TDRD12: variants seen among roughly 807,000 people sequenced by gnomAD.
The protein encoded by TDRD12 is putative ATP-dependent RNA helicase TDRD12.
A neutral mutation model predicts 133.5 loss-of-function variants in TDRD12; 158 were observed. The observed-to-expected ratio is 1.18, with a 90% CI of 1.04 to 1.35. TDRD12 has a LOEUF of 1.35. TDRD12 is among the 40% of genes most tolerant of loss of function. TDRD12 has a pLI of 0.00. For synonymous variants in TDRD12, 460 were observed against 477.9 expected (o/e 0.96, Z 0.49); for missense variants, 1,443 against 1,321.3 (o/e 1.09, Z -1.43).
At chr19:32,814,275 TC>T (rs1407467425) in intron 25 of TDRD12, among the ~76,000 whole-genome samples, 1 of 152,152 alleles carries the variant, frequency 6.6e-6, no homozygotes, top group African/African-American at 2.4e-5. Flanking sequence ...CTCACGGGCC[TC>T]CGTGTCTCTC....
intron 12 of TDRD12, 120 bp downstream of exon 12, chr19:32,790,711 T>G (rs1465755237): frequency 6.5e-7 from 1 of 1,549,936 alleles, no homozygotes; most frequent in Non-Finnish European, 8.7e-7. Context: ...GATGGGGGAC[T>G]TAACCTGAAG....
chr19:32,784,560 A>G (rs1391692356), intron 11 of TDRD12, among the ~76,000 whole-genome samples: 1 of 152,172 alleles, frequency 6.6e-6, no homozygotes, highest in Non-Finnish European at 1.5e-5. Context: ...TTCAGAAGGA[A>G]TGGTACCAGC....
chr19:32,796,649 C>G (rs1341535150), intron 14 of TDRD12, among the ~76,000 whole-genome samples: 1 of 152,052 alleles, frequency 6.6e-6, no homozygotes, highest in Non-Finnish European at 1.5e-5. Flanking sequence ...GGATATGTTT[C>G]TATCTCCCAA....
chr19:32,812,586 T>C (rs1178381621), intron 24 of TDRD12, among the ~76,000 whole-genome samples: 1 of 152,210 alleles, frequency 6.6e-6, no homozygotes, highest in Non-Finnish European at 1.5e-5. Context: ...GACTGTCTGC[T>C]GTGTACCAGG....
At chr19:32,744,499 C>CAAAAAAAAAAAAAAAAAAA (rs10644749) in intron 4 of TDRD12, among the ~76,000 whole-genome samples, 4 of 38,088 alleles carry the variant, frequency 1.1e-4, no homozygotes, top group Admixed American at 4.7e-4. Context: ...GACTCCGTCT[C>CAAAAAAAAAAAAAAAAAAA]AAAAAAAAAA....
At chr19:32,801,844 AGTT>A in exon 19 of TDRD12, 6 of 1,444,404 alleles carry the variant, frequency 4.2e-6, no homozygotes, top group Non-Finnish European at 5.6e-6. Context: ...TGGAAGAAGA[AGTT>A]AAGTTCTGGC....
Position 32,719,849 on chromosome 19 carries a change from C to A in TDRD12, c.-224C>A. On this transcript the variant is annotated 5_prime_UTR_variant, in exon 1 of 28. In the 5' UTR this introduces an upstream ATG that the reference lacks. Coordinates refer to ENST00000444215, the Ensembl canonical transcript of TDRD12. Reference sequence around the variant, plus strand: ...GGATCCCGCAGCGAGGGGCTGGTTACTGCCAGGACGGAGCGCATTGCCTCG... The same window carrying A: ...GGATCCCGCAGCGAGGGGCTGGTTAATGCCAGGACGGAGCGCATTGCCTCG... The A allele has an allele frequency of 1.7e-6, 1 of 595,858 alleles. No homozygotes were observed. Among genetic ancestry groups the A allele is most frequent in the Non-Finnish European group, 3.0e-6 (1 of 333,574 alleles). 36.9% of individuals were successfully genotyped at this position (595,858 alleles called of 1,614,324 possible).
intron 8 of TDRD12, among the ~76,000 whole-genome samples, chr19:32,772,412 G>T (rs1413069463): frequency 1.3e-5 from 2 of 152,190 alleles, no homozygotes; most frequent in East Asian, 3.8e-4. Flanking sequence ...CTCTTGGCAG[G>T]AGGCAGAGTC....
At chr19:32,735,748 T>A (rs1969204136) in intron 2 of TDRD12, among the ~76,000 whole-genome samples, 1 of 152,170 alleles carries the variant, frequency 6.6e-6, no homozygotes, top group Non-Finnish European at 1.5e-5. Context: ...GGTGGGTGGA[T>A]CACCTAAGGT....
At chr19:32,800,727 C>T (rs758913515) in exon 18 of TDRD12, 3 of 1,535,776 alleles carry the variant, frequency 2.0e-6, no homozygotes, top group South Asian at 2.4e-5. Context: ...CACAAAAGAC[C>T]TTGATCTTCA....
At chr19:32,755,322 A>G (rs1969960319) in intron 6 of TDRD12, among the ~76,000 whole-genome samples, 1 of 152,188 alleles carries the variant, frequency 6.6e-6, no homozygotes, top group African/African-American at 2.4e-5. Flanking sequence ...ATTGTTTTCC[A>G]AAGTGGTGGA....
At position 32,800,356 on chromosome 19, in the gene TDRD12, C is replaced by T; in HGVS notation, c.1948C>T (p.Gln650Ter). The change falls in exon 17 of 28, where the codon CAG becomes TAG. Residue 650 changes from glutamine to a stop codon, truncating the protein, a stop_gained and splice_region_variant. Coordinates refer to ENST00000444215, the Ensembl canonical transcript of TDRD12. LOFTEE classifies it high-confidence loss of function. ...GGCTGCTCTCTATGGCAATGTCCAACAGGTAACTTTGTGTGTATGTGTATG... is the reference window on the plus strand; with the variant it reads ...GGCTGCTCTCTATGGCAATGTCCAATAGGTAACTTTGTGTGTATGTGTATG... The T allele has an allele frequency of 1.3e-6, 2 of 1,509,408 alleles. No homozygotes were observed. Among genetic ancestry groups the T allele is most frequent in the Non-Finnish European group, 1.8e-6 (2 of 1,135,892 alleles). 93.5% of individuals were successfully genotyped at this position (1,509,408 alleles called of 1,614,324 possible). A position where few individuals can be genotyped will look rare whatever the true frequency, so the allele number is the denominator to read the frequency against.
intron 27 of TDRD12, among the ~76,000 whole-genome samples, chr19:32,819,998 T>C (rs1387540753): frequency 6.6e-6 from 1 of 152,034 alleles, no homozygotes; most frequent in Non-Finnish European, 1.5e-5. Context: ...GGAAGGCTCT[T>C]GGTTTGCTGC....
At chr19:32,801,493 A>G (rs138250702) in intron 18 of TDRD12, among the ~76,000 whole-genome samples, 1 of 152,290 alleles carries the variant, frequency 6.6e-6, no homozygotes, top group African/African-American at 2.4e-5. Context: ...ACACACAAGT[A>G]TGGCTGTGTT....
At chr19:32,766,688 C>T (rs890546516) in intron 8 of TDRD12, among the ~76,000 whole-genome samples, 4 of 151,866 alleles carry the variant, frequency 2.6e-5, no homozygotes, top group African/African-American at 7.3e-5. Context: ...AATCTTGGCT[C>T]ACTACACCCT....
intron 6 of TDRD12, among the ~76,000 whole-genome samples, chr19:32,751,821 C>T (rs961866891): frequency 6.6e-6 from 1 of 151,776 alleles, no homozygotes; most frequent in Non-Finnish European, 1.5e-5. Context: ...GTGCTGGTAT[C>T]ACAGGTGTGA....
chr19:32,763,374 G>A (rs1970205049), intron 8 of TDRD12, among the ~76,000 whole-genome samples: 1 of 152,142 alleles, frequency 6.6e-6, no homozygotes, highest in Non-Finnish European at 1.5e-5. Flanking sequence ...ACGCTTCTCA[G>A]GTGCCCCTCA....
At chr19:32,721,279 A>G (rs1968653064) in intron 1 of TDRD12, among the ~76,000 whole-genome samples, 1 of 152,168 alleles carries the variant, frequency 6.6e-6, no homozygotes, top group South Asian at 2.1e-4. Flanking sequence ...AGGGGTGGGT[A>G]TGGGTTATTG....
intron 11 of TDRD12, among the ~76,000 whole-genome samples, chr19:32,782,394 CTT>C (rs1970796105): frequency 6.6e-6 from 1 of 152,156 alleles, no homozygotes; most frequent in Non-Finnish European, 1.5e-5. Flanking sequence ...GGTTCCAAGT[CTT>C]TACTATTGTG....
Sources: allele counts gnomAD v4.1 joint callset (sites outside exome capture counted in the v4.1 genomes callset), GRCh38; gene constraint gnomAD v4.1.1; transcripts MANE v1.5; gene names NCBI Gene and HGNC (gene_info 2026-07-23, HGNC 2026-07-21).